KHDRBS3: variants seen among roughly 807,000 people sequenced by gnomAD.
KHDRBS3 encodes KH domain-containing, RNA-binding, signal transduction-associated protein 3.
In KHDRBS3, 23 loss-of-function variants were observed where a neutral mutation model predicts 45.6. That is an observed-to-expected ratio of 0.50 (90% CI 0.36 to 0.72). KHDRBS3 has a LOEUF of 0.72. KHDRBS3 is among the 30% of genes least tolerant of loss of function. KHDRBS3 has a pLI of 0.00. For synonymous variants in KHDRBS3, 162 were observed against 156.5 expected, an observed-to-expected ratio of 1.04 and a Z score of -0.26; for missense variants, 352 against 424.8, an observed-to-expected ratio of 0.83 and a Z score of 1.51.
chr8:135,566,553 C>T (rs1827426156), intron 5 of KHDRBS3, among the ~76,000 whole-genome samples: 1 of 152,172 alleles, frequency 6.6e-6, no homozygotes, highest in African/African-American at 2.4e-5. Flanking sequence ...ACGAAACCTT[C>T]ATTATTAAAG....
intron 2 of KHDRBS3, chr8:135,538,804 C>G (rs1314548277): frequency 6.6e-6 from 1 of 152,224 alleles, no homozygotes; most frequent in African/African-American, 2.4e-5. Context: ...ATGCCGCTTT[C>G]GTTGTTTATT....
intron 4 of KHDRBS3, among the ~76,000 whole-genome samples, chr8:135,655,156 T>A (rs926522766): frequency 6.6e-6 from 1 of 152,224 alleles, no homozygotes; most frequent in East Asian, 1.9e-4. Context: ...ATCAATAGAT[T>A]TACTGTATTA....
intron 1 of KHDRBS3, among the ~76,000 whole-genome samples, chr8:135,483,277 GA>G (rs1822678773): frequency 6.6e-6 from 1 of 152,190 alleles, no homozygotes. Flanking sequence ...TGACCTGTCT[GA>G]AAATATCTTC....
At chr8:135,607,919 T>C (rs1389109934) in intron 7 of KHDRBS3, among the ~76,000 whole-genome samples, 1 of 152,196 alleles carries the variant, frequency 6.6e-6, no homozygotes, top group Non-Finnish European at 1.5e-5. Context: ...TTGTTTTTGC[T>C]CATACCAAAT....
At chr8:135,612,927 ATTTC>A (rs987403006) in intron 7 of KHDRBS3, among the ~76,000 whole-genome samples, 2 of 151,632 alleles carry the variant, frequency 1.3e-5, no homozygotes, top group African/African-American at 4.9e-5. Flanking sequence ...AATTTCACCT[ATTTC>A]TTTTTACTTT....
chr8:135,484,197 A>G (rs1043944275), intron 1 of KHDRBS3, among the ~76,000 whole-genome samples: 2 of 152,224 alleles, frequency 1.3e-5, no homozygotes, highest in South Asian at 4.1e-4. Flanking sequence ...AAGCCACCCA[A>G]CTGACTGGGT....
intron 1 of KHDRBS3, among the ~76,000 whole-genome samples, chr8:135,486,822 G>A (rs1822887067): frequency 6.6e-6 from 1 of 152,108 alleles, no homozygotes; most frequent in South Asian, 2.1e-4. Flanking sequence ...GAGAAATATT[G>A]TTATCAGATA....
intron 1 of KHDRBS3, among the ~76,000 whole-genome samples, chr8:135,498,623 A>G (rs1823578390): frequency 6.6e-6 from 1 of 152,232 alleles, no homozygotes; most frequent in African/African-American, 2.4e-5. Context: ...CAGCCAGTAT[A>G]TAGTCTGTAA....
intron 1 of KHDRBS3, among the ~76,000 whole-genome samples, chr8:135,490,646 G>T (rs980644012): frequency 3.3e-5 from 5 of 152,140 alleles, no homozygotes; most frequent in African/African-American, 1.2e-4. Context: ...AATCAAATGG[G>T]AAGTTTCTCT....
chr8:135,575,350 G>A (rs747012990), intron 5 of KHDRBS3, among the ~76,000 whole-genome samples: 20 of 151,890 alleles, frequency 1.3e-4, no homozygotes, highest in Non-Finnish European at 2.4e-4. Flanking sequence ...CATAGAGCTC[G>A]TGGCTCACTG....
chr8:135,622,076 T>A (rs536597035), intron 7 of KHDRBS3, among the ~76,000 whole-genome samples: 1 of 152,264 alleles, frequency 6.6e-6, no homozygotes, highest in Non-Finnish European at 1.5e-5. Flanking sequence ...TTCCGTATAA[T>A]TACATGCTCT....
chr8:135,496,956 C>A (rs1823482134), intron 1 of KHDRBS3, among the ~76,000 whole-genome samples: 1 of 152,196 alleles, frequency 6.6e-6, no homozygotes, highest in African/African-American at 2.4e-5. Flanking sequence ...AATCAAGAGG[C>A]TAAGACAGGA....
intron 6 of KHDRBS3, among the ~76,000 whole-genome samples, chr8:135,602,586 T>A (rs1044817485): frequency 5.9e-5 from 9 of 151,674 alleles, no homozygotes; most frequent in Middle Eastern, 6.8e-3. Flanking sequence ...GTTTTTTTTT[T>A]ATAATTCTAG....
rs563111597 is a variant in KHDRBS3, at chr8:135,634,966, C to T, written c.891-10093C>T. 2.0e-5 allele frequency among the ~76,000 whole-genome samples: 3 copies of T among 152,328 alleles called. No individual in the cohort carries two copies. The South Asian group carries it at 6.2e-4, about 32-fold the overall frequency. Reference sequence around the variant, plus strand: ...CAATGGTTCTGAAAGTTTTTGATCTCACAATCCCTGTATACTTCATACTCT... The same window carrying T: ...CAATGGTTCTGAAAGTTTTTGATCTTACAATCCCTGTATACTTCATACTCT... On this transcript the variant is annotated intron_variant, in intron 7 of 8. Coordinates refer to ENST00000355849, the MANE Select transcript of KHDRBS3 (RefSeq NM_006558.3).
intron 7 of KHDRBS3, among the ~76,000 whole-genome samples, chr8:135,610,641 A>G (rs1829670657): frequency 6.6e-6 from 1 of 151,940 alleles, no homozygotes; most frequent in South Asian, 2.1e-4. Flanking sequence ...CATTGTTTTC[A>G]TAAGAAGACT....
chr8:135,618,540 T>C (rs1316924527), intron 7 of KHDRBS3, among the ~76,000 whole-genome samples: 4 of 152,182 alleles, frequency 2.6e-5, no homozygotes, highest in Admixed American at 6.5e-5. Flanking sequence ...AGTTACAAAA[T>C]GTATTATGGT....
At chr8:135,459,044 G>GT in intron 1 of KHDRBS3, 1 of 437,926 alleles carries the variant, frequency 2.3e-6, no homozygotes, top group South Asian at 1.6e-5. Context: ...GGTCAGATCT[G>GT]TTACCTTTTG....
intron 1 of KHDRBS3, among the ~76,000 whole-genome samples, chr8:135,465,555 C>T (rs1821652802): frequency 6.6e-6 from 1 of 152,166 alleles, no homozygotes; most frequent in African/African-American, 2.4e-5. Context: ...AAATTAGCAG[C>T]AGCTCTGATT....
intron 7 of KHDRBS3, among the ~76,000 whole-genome samples, chr8:135,640,936 A>G (rs1252794819): frequency 6.6e-6 from 1 of 152,216 alleles, no homozygotes; most frequent in African/African-American, 2.4e-5. Context: ...AAGAAACGAA[A>G]TGCTGTGAAA....
Sources: allele counts gnomAD v4.1 joint callset (sites outside exome capture counted in the v4.1 genomes callset), GRCh38; gene constraint gnomAD v4.1.1; transcripts MANE v1.5; gene names NCBI Gene and HGNC (gene_info 2026-07-23, HGNC 2026-07-21).